ZFHX3: variants seen among roughly 807,000 people sequenced by gnomAD.
The protein encoded by ZFHX3 is zinc finger homeobox protein 3.
Under a neutral mutation model 279.1 loss-of-function variants are expected in ZFHX3, and 42 were observed. The observed-to-expected ratio is 0.15, with a 90% CI of 0.12 to 0.19. ZFHX3 has a LOEUF of 0.19. Among genes scored for constraint, ZFHX3 ranks in the 10% least tolerant of loss-of-function variants. The probability of loss-of-function intolerance (pLI) is 1.00; values close to 1 mark genes in which losing one functional copy is unlikely to be tolerated. For missense variants in ZFHX3, 4,981 were observed against 4,754.0 expected (o/e 1.05, Z -1.40); for synonymous variants, 2,293 against 1,957.8 (o/e 1.17, Z -4.52).
chr16:73,139,837 T>G (rs901404367), intron 6 of ZFHX3, among the ~76,000 whole-genome samples: 2 of 152,222 alleles, frequency 1.3e-5, no homozygotes, highest in Admixed American at 1.3e-4. Context: ...GTAGGGAATA[T>G]GAAGAAAAGT....
In ZFHX3 at chr16:73,376,232, A is replaced by T. The variant is rs866502356; in HGVS notation, c.-1290-57896T>A. On this transcript the variant is annotated intron_variant, in intron 3 of 17. Coordinates refer to the ZFHX3 transcript ENST00000641206. ...AATCAGCAGTTTTATATATTATAGAATGAAGTTTTCTAAACTGTTGCTGGA... is the reference window on the plus strand; with the variant it reads ...AATCAGCAGTTTTATATATTATAGATTGAAGTTTTCTAAACTGTTGCTGGA... Among the ~76,000 whole-genome samples, 6 of 152,332 alleles carry T rather than the reference A, an allele frequency of 3.9e-5. No individual in the cohort carries two copies. The South Asian group carries it at 1.2e-3, about 32-fold the overall frequency.
chr16:72,929,990 G>C (rs181502461), intron 3 of ZFHX3, among the ~76,000 whole-genome samples: 17 of 152,346 alleles, frequency 1.1e-4, no homozygotes, highest in Admixed American at 1.1e-3. Flanking sequence ...GGCCGAAGTG[G>C]GCGGATCACT....
chr16:73,722,621 A>G (rs2142239701), intron 1 of ZFHX3, among the ~76,000 whole-genome samples: 1 of 152,234 alleles, frequency 6.6e-6, no homozygotes, highest in East Asian at 1.9e-4. Flanking sequence ...TTTTTTTCTA[A>G]GAGAGAACTA....
intron 1 of ZFHX3, among the ~76,000 whole-genome samples, chr16:73,718,503 A>G (rs889327912): frequency 7.2e-5 from 11 of 152,212 alleles, no homozygotes; most frequent in Non-Finnish European, 1.6e-4. Flanking sequence ...GGACAAATTT[A>G]GAGGGACTAA....
At chr16:73,600,104 T>C (rs559518778) in intron 2 of ZFHX3, among the ~76,000 whole-genome samples, 2 of 152,306 alleles carry the variant, frequency 1.3e-5, no homozygotes, top group South Asian at 2.1e-4. Flanking sequence ...GAGATGTTCT[T>C]TGTATCAGAA....
chr16:73,050,836 C>T (rs1161895229), upstream of ZFHX3, among the ~76,000 whole-genome samples: 9 of 152,174 alleles, frequency 5.9e-5, no homozygotes. Flanking sequence ...ATCTGGAAAG[C>T]GTAATTGGCA....
At chr16:72,976,853 G>A (rs965216084) in intron 1 of ZFHX3, among the ~76,000 whole-genome samples, 5 of 152,170 alleles carry the variant, frequency 3.3e-5, no homozygotes, top group Non-Finnish European at 5.9e-5. Context: ...TGGGGAACCC[G>A]GAGGCCCTGA....
chr16:73,096,837 C>G (rs1966170578), intron 7 of ZFHX3, among the ~76,000 whole-genome samples: 1 of 152,104 alleles, frequency 6.6e-6, no homozygotes. Context: ...CCTTTAGAAC[C>G]TCATTTCATG....
At chr16:73,410,481 A>G (rs986166723) in intron 3 of ZFHX3, among the ~76,000 whole-genome samples, 3 of 152,248 alleles carry the variant, frequency 2.0e-5, no homozygotes, top group African/African-American at 7.2e-5. Flanking sequence ...TAATACAAAG[A>G]AAGGCTAAAT....
At chr16:73,223,336 T>C (rs2012484773) in intron 5 of ZFHX3, among the ~76,000 whole-genome samples, 1 of 152,122 alleles carries the variant, frequency 6.6e-6, no homozygotes, top group South Asian at 2.1e-4. Context: ...TAAAGGACTG[T>C]TATCCAAAAC....
rs1267222524 is a variant in ZFHX3, at chr16:72,800,043, C to T, written c.3951G>A (p.Glu1317=). Reference sequence around the variant, plus strand: ...GATACTGACCAGGCTGCTTTCCTGCCTCTTCCAAATTGGAATTCCCATCTC... The same window carrying T: ...GATACTGACCAGGCTGCTTTCCTGCTTCTTCCAAATTGGAATTCCCATCTC... ...PDRDGNSNLE[E]AGKQPETSED... is the part of the protein sequence containing the mutation. The change falls in exon 8 of 10, where the codon GAG becomes GAA. Residue 1317 remains glutamate, a synonymous_variant. Transcript: ENST00000268489. The T allele has an allele frequency of 6.2e-7, 1 of 1,614,040 alleles. No individual in the cohort carries two copies. The highest frequency in any genetic ancestry group is 1.7e-5 in the Admixed American group (1 of 60,004).
At chr16:72,922,169 C>T (rs1353349806) in intron 3 of ZFHX3, among the ~76,000 whole-genome samples, 2 of 152,150 alleles carry the variant, frequency 1.3e-5, no homozygotes, top group East Asian at 1.9e-4. Context: ...TGGGTTCTTG[C>T]GGAGAACTTT....
rs200698025 is a variant in ZFHX3 at position 72,796,074 on chromosome 16, C to T, written c.6608G>A (p.Arg2203His). Residue 2203 changes from arginine (R) to histidine (H), a missense_variant, in exon 9 of 10, where the codon CGT becomes CAT. By Grantham distance (29) the Arg-to-His change is conservative. Around this residue, in one of 7 missense-constraint regions of ZFHX3, gnomAD observed 177 missense variants for 244.2 expected, o/e 0.72. Coordinates refer to ENST00000268489, the MANE Select transcript of ZFHX3 (RefSeq NM_006885.4). The part of the protein sequence containing the change: ...FRNTLFKERQ[R>H]NKDSPYNFSN... ...GAAGTTGTAAGGGGAGTCCTTGTTA[C>T]GCTGCCTCTCTTTGAAGAGAGTGTT... is the stretch of plus-strand genomic sequence containing the variant. 5 of 1,614,208 alleles carry T rather than the reference C, an allele frequency of 3.1e-6. No individual in the cohort carries two copies. Among genetic ancestry groups the T allele is most frequent in the East Asian group, 2.2e-5 (1 of 44,864 alleles).
intron 2 of ZFHX3, among the ~76,000 whole-genome samples, chr16:73,607,376 T>C (rs1036605188): frequency 3.2e-4 from 49 of 152,216 alleles, no homozygotes; most frequent in African/African-American, 1.2e-3. Flanking sequence ...GTATATGTAC[T>C]ACATTTTCTT....
At chr16:73,753,986 A>ATGTGTGTGTGTGTGTGTGTGTGTGTG (rs1310925312) in intron 1 of ZFHX3, among the ~76,000 whole-genome samples, 6,479 of 147,242 alleles carry the variant, frequency 0.044, 179 homozygotes, top group East Asian at 0.074. Context: ...GTAAGAATCA[A>ATGTGTGTGTGTGTGTGTGTGTGTGTG]TGTGTGTGTG....
rs533832281 is a variant in ZFHX3, at chr16:73,179,909, C to T, written c.-1103-36078G>A. ...CTTGTCATACAGAGAGTGTCAGAGG[C>T]GGTCCAATTACCTAAGAGGACTGAG... On this transcript the variant is annotated intron_variant, in intron 5 of 17. Coordinates refer to the ZFHX3 transcript ENST00000641206. Among the ~76,000 whole-genome samples, 13 of 152,182 alleles carry T rather than the reference C, an allele frequency of 8.5e-5. No homozygotes were observed. In the East Asian group the frequency reaches 1.7e-3, roughly 20 times the overall value.
At chr16:73,434,815 G>A (rs2017969474) in intron 3 of ZFHX3, among the ~76,000 whole-genome samples, 1 of 152,098 alleles carries the variant, frequency 6.6e-6, no homozygotes, top group African/African-American at 2.4e-5. Context: ...TCTGACTGAG[G>A]TACCCACTCA....
At chr16:73,690,867 C>T (rs924394575) in intron 1 of ZFHX3, among the ~76,000 whole-genome samples, 1 of 152,170 alleles carries the variant, frequency 6.6e-6, no homozygotes, top group Non-Finnish European at 1.5e-5. Context: ...CAGCTGATAC[C>T]AATAGCACTG....
In ZFHX3 at chr16:73,027,152, C is replaced by G. The variant is rs570391936; in HGVS notation, c.-50+20600G>C. Among the ~76,000 whole-genome samples, 3 of 152,338 alleles carry G rather than the reference C, an allele frequency of 2.0e-5. No individual in the cohort carries two copies. In the South Asian group the frequency reaches 6.2e-4, roughly 32 times the overall value. On this transcript the variant is annotated intron_variant, in intron 1 of 9. Transcript: ENST00000268489. ...TCGTATTCATCTTCTGATTCTCCAC[C>G]AGCCATTTACAAATGTAAAAGCCAT...
Sources: gnomAD v4.1 joint callset for allele counts (sites outside exome capture counted in the v4.1 genomes callset) on GRCh38, gnomAD v4.1.1 for gene constraint, gnomAD v4.1.1 regional missense constraint, MANE v1.5 for transcripts, NCBI Gene and HGNC (gene_info 2026-07-23, HGNC 2026-07-21) for gene names.